The following PDS5B variants were observed in gnomAD, a reference collection of about 807,000 sequenced individuals.
PDS5B encodes the protein PDS5 cohesin associated factor B, also known as sister chromatid cohesion protein PDS5 homolog B.
In PDS5B, 51 loss-of-function variants were observed where a neutral mutation model predicts 184.1. The ratio of observed to expected loss-of-function variants is 0.28; its 90% CI spans 0.22 to 0.35. The LOEUF is 0.35. Among genes scored for constraint, PDS5B ranks in the 10% least tolerant of loss-of-function variants. The pLI is 1.00. For missense variants in PDS5B, 1,180 were observed against 1,723.3 expected (o/e 0.68, Z 5.58); for synonymous variants, 566 against 569.2 (o/e 0.99, Z 0.08).
intron 10 of PDS5B, among the ~76,000 whole-genome samples, chr13:32,680,526 A>G (rs1951209929): frequency 6.6e-6 from 1 of 152,262 alleles, no homozygotes; most frequent in South Asian, 2.1e-4. Flanking sequence ...ATTAGTTGTC[A>G]CATAATCCCC....
rs772065750 is a variant in PDS5B at position 32,706,924 on chromosome 13, C to G, written c.1857-10C>G. On this transcript the variant is annotated splice_polypyrimidine_tract_variant and intron_variant, in intron 17 of 34. Transcript: ENST00000315596. ...CATTTGAAAAAATGACTTTTTTGGT[C>G]ATATTTTAGTGCTCTTATTAAACAA... The G allele has an allele frequency of 3.3e-5, 52 of 1,562,248 alleles. No homozygotes were observed. Among genetic ancestry groups the G allele is most frequent in the Non-Finnish European group, 4.2e-5 (48 of 1,144,830 alleles).
intron 1 of PDS5B, among the ~76,000 whole-genome samples, chr13:32,621,153 T>A (rs1331894778): frequency 1.3e-5 from 2 of 152,194 alleles, no homozygotes; most frequent in Admixed American, 1.3e-4. Context: ...ATGTCAAACT[T>A]ATACTTGTTT....
chr13:32,734,805 T>C (rs1447413064), intron 20 of PDS5B, among the ~76,000 whole-genome samples: 1 of 152,236 alleles, frequency 6.6e-6, no homozygotes, highest in Non-Finnish European at 1.5e-5. Flanking sequence ...GTCATCCTTA[T>C]GCCCAGGAAA....
At chr13:32,755,068 GAT>G (rs1954125802) in intron 25 of PDS5B, among the ~76,000 whole-genome samples, 1 of 152,068 alleles carries the variant, frequency 6.6e-6, no homozygotes, top group South Asian at 2.1e-4. Context: ...GTTCTCTGTA[GAT>G]TTAGCAATAG....
At chr13:32,620,850 T>C (rs1056435428) in intron 1 of PDS5B, among the ~76,000 whole-genome samples, 3 of 152,352 alleles carry the variant, frequency 2.0e-5, no homozygotes, top group Middle Eastern at 6.8e-3. Flanking sequence ...GTTGACATAG[T>C]TTTCTTCTTT....
At chr13:32,726,996 T>G (rs1952923352) in intron 19 of PDS5B, among the ~76,000 whole-genome samples, 3 of 152,206 alleles carry the variant, frequency 2.0e-5, no homozygotes, top group Non-Finnish European at 1.5e-5. Context: ...CTTGTTTGCT[T>G]TTATATTGGT....
At chr13:32,687,504 T>G (rs2140825187) in intron 12 of PDS5B, among the ~76,000 whole-genome samples, 1 of 152,322 alleles carries the variant, frequency 6.6e-6, no homozygotes, top group African/African-American at 2.4e-5. Flanking sequence ...ACGTTCCATT[T>G]TCATATACTG....
chr13:32,620,656 CAAAAAAAA>C (rs376008300), intron 1 of PDS5B, among the ~76,000 whole-genome samples: 1 of 92,370 alleles, frequency 1.1e-5, no homozygotes, highest in Admixed American at 1.1e-4. Flanking sequence ...GACTCCGTCT[CAAAAAAAA>C]AAAAAAAAAA....
intron 19 of PDS5B, among the ~76,000 whole-genome samples, chr13:32,712,962 G>A (rs570246281): frequency 2.6e-5 from 4 of 152,226 alleles, no homozygotes; most frequent in East Asian, 1.9e-4. Flanking sequence ...GTTCCATAAC[G>A]ATGAGTTATA....
At chr13:32,663,706 GTATT>G (rs1355586570) in intron 6 of PDS5B, among the ~76,000 whole-genome samples, 1 of 152,102 alleles carries the variant, frequency 6.6e-6, no homozygotes, top group Non-Finnish European at 1.5e-5. Context: ...AAAAAAATTT[GTATT>G]TATTTATATA....
At chr13:32,742,849 A>G (rs1191954914) in intron 23 of PDS5B, 122 bp downstream of exon 23, 2 of 863,980 alleles carry the variant, frequency 2.3e-6, no homozygotes, top group Non-Finnish European at 3.6e-6. Flanking sequence ...GTACATGTGC[A>G]TATATTTTTA....
At chr13:32,719,517 C>CA (rs1283561738) in intron 19 of PDS5B, among the ~76,000 whole-genome samples, 4 of 151,692 alleles carry the variant, frequency 2.6e-5, no homozygotes, top group South Asian at 2.1e-4. Flanking sequence ...TCATTTGTTG[C>CA]AAAAAAATCT....
At chr13:32,674,069 C>T (rs1437060549) in intron 8 of PDS5B, among the ~76,000 whole-genome samples, 1 of 152,098 alleles carries the variant, frequency 6.6e-6, no homozygotes, top group African/African-American at 2.4e-5. Flanking sequence ...CCTGCCTCGG[C>T]CTCCCAATGT....
intron 1 of PDS5B, among the ~76,000 whole-genome samples, chr13:32,643,750 A>G (rs1444427698): frequency 1.3e-5 from 2 of 152,132 alleles, no homozygotes; most frequent in African/African-American, 4.8e-5. Flanking sequence ...TAGCCTAGGT[A>G]TGTAGTAGTC....
chr13:32,746,347 A>G (rs1953742554), intron 24 of PDS5B, among the ~76,000 whole-genome samples: 1 of 152,250 alleles, frequency 6.6e-6, no homozygotes, highest in Admixed American at 6.5e-5. Context: ...GCATTCAGTT[A>G]GCAGATACTG....
intron 19 of PDS5B, among the ~76,000 whole-genome samples, chr13:32,719,416 C>T (rs186491681): frequency 1.3e-5 from 2 of 152,206 alleles, no homozygotes; most frequent in African/African-American, 2.4e-5. Context: ...CTCCTGGGCT[C>T]AGGTGATCTG....
chr13:32,758,914 T>C (rs1339858410), intron 28 of PDS5B, among the ~76,000 whole-genome samples: 1 of 152,138 alleles, frequency 6.6e-6, no homozygotes, highest in African/African-American at 2.4e-5. Context: ...TGTGAATTAA[T>C]GGCCATTGTT....
rs1376270474 is a variant in PDS5B at position 32,775,343 on chromosome 13, T to C, written c.*291T>C. 3 of 390,282 alleles carry C rather than the reference T, an allele frequency of 7.7e-6. No individual in the cohort carries two copies. The Admixed American group carries it at 1.3e-4, about 16-fold the overall frequency. 24.2% of individuals were successfully genotyped at this position (390,282 alleles called of 1,614,324 possible). On this transcript the variant is annotated 3_prime_UTR_variant, in exon 35 of 35. Coordinates refer to ENST00000315596, the MANE Select transcript of PDS5B (RefSeq NM_015032.4). The stretch of plus-strand genomic sequence containing the variant: ...TCTTTTTTTTAATGTTTCTGATTTC[T>C]GAAGTGCTTGTATAGCTTTTATCTG...
intron 30 of PDS5B, among the ~76,000 whole-genome samples, chr13:32,760,972 A>G (rs1252225961): frequency 6.6e-6 from 1 of 152,172 alleles, no homozygotes; most frequent in Non-Finnish European, 1.5e-5. Context: ...ACTAGTTTCC[A>G]ACCTCAGTGT....
Sources: gnomAD v4.1 joint callset for allele counts (sites outside exome capture counted in the v4.1 genomes callset) on GRCh38, gnomAD v4.1.1 for gene constraint, MANE v1.5 for transcripts, NCBI Gene and HGNC (gene_info 2026-07-23, HGNC 2026-07-21) for gene names.